Variants in CATSPERE observed in about 807,000 individuals in gnomAD.
The protein encoded by CATSPERE is catsper channel auxiliary subunit epsilon, also known as cation channel sperm-associated auxiliary subunit epsilon.
A neutral mutation model predicts 114.1 loss-of-function variants in CATSPERE; 93 were observed. The ratio of observed to expected loss-of-function variants is 0.81; its 90% CI spans 0.69 to 0.97. The LOEUF is 0.97. Ranked by LOEUF, CATSPERE falls within the 50% of genes least tolerant of loss-of-function variation. CATSPERE has a pLI of 0.00. For missense variants in CATSPERE, 1,058 were observed against 1,131.6 expected, an observed-to-expected ratio of 0.93 and a Z score of 0.93; for synonymous variants, 341 against 384.1, an observed-to-expected ratio of 0.89 and a Z score of 1.31.
intron 17 of CATSPERE, among the ~76,000 whole-genome samples, chr1:244,600,660 C>T (rs370206393): frequency 7.9e-5 from 12 of 152,286 alleles, no homozygotes; most frequent in South Asian, 6.2e-4. Flanking sequence ...TCCAGAGATA[C>T]AGGATCCTCA....
At chr1:244,487,803 C>G (rs898985150) in intron 5 of CATSPERE, among the ~76,000 whole-genome samples, 16 of 152,150 alleles carry the variant, frequency 1.1e-4, no homozygotes, top group Non-Finnish European at 1.8e-4. Context: ...GGAGGCGGGA[C>G]TGTACGGGAG....
intron 11 of CATSPERE, among the ~76,000 whole-genome samples, chr1:244,574,509 C>T (rs145655235): frequency 6.6e-5 from 10 of 152,280 alleles, no homozygotes; most frequent in African/African-American, 2.2e-4. Flanking sequence ...ACAATTCCTT[C>T]CTCTTGATTT....
chr1:244,522,914 G>A (rs1250461636), intron 8 of CATSPERE, among the ~76,000 whole-genome samples: 1 of 152,126 alleles, frequency 6.6e-6, no homozygotes, highest in African/African-American at 2.4e-5. Flanking sequence ...GTACAAGGAG[G>A]AACTGGTACC....
chr1:244,619,640 G>A (rs956389866), intron 20 of CATSPERE, among the ~76,000 whole-genome samples: 7 of 152,148 alleles, frequency 4.6e-5, no homozygotes, highest in Non-Finnish European at 7.3e-5. Flanking sequence ...AGGGGGCTTC[G>A]GAAAACCACT....
chr1:244,451,628 G>A (rs568529477), upstream of CATSPERE: 25 of 1,605,636 alleles, frequency 1.6e-5, no homozygotes, highest in South Asian at 2.1e-4. The surrounding 1 kb of genome is among the most constrained non-coding windows in gnomAD (Gnocchi z 6.6). Flanking sequence ...AGGCCCCGTC[G>A]CCTCACCTGG....
intron 17 of CATSPERE, among the ~76,000 whole-genome samples, chr1:244,596,660 CG>C (rs962462315): frequency 5.5e-4 from 84 of 151,824 alleles, no homozygotes; most frequent in African/African-American, 2.0e-3. Flanking sequence ...CTCACGCATG[CG>C]GGGCTTAAAA....
rs765165415 is a variant in CATSPERE, at chr1:244,633,498, T to G, written c.2649-1991T>G. Among the ~76,000 whole-genome samples, 5 of 152,116 alleles carry G rather than the reference T, an allele frequency of 3.3e-5. No individual in the cohort carries two copies. Among genetic ancestry groups the G allele is most frequent in the Non-Finnish European group, 7.4e-5 (5 of 68,020 alleles). On this transcript the variant is annotated intron_variant, in intron 20 of 21. Transcript: ENST00000366534. This position sits in a 1 kb window ranked among gnomAD's most constrained non-coding sequence, Gnocchi z 4.1. ...TACATCTAATCTATTCCAAATCACTTTACAAACTGCTATTGAATTAAATTC... is the reference window on the plus strand; with the variant it reads ...TACATCTAATCTATTCCAAATCACTGTACAAACTGCTATTGAATTAAATTC...
At position 244,621,113 on chromosome 1, in the gene CATSPERE, T is replaced by TAAA. The variant is rs1672146517; in HGVS notation, c.2648+3428_2648+3429insAAA. 1.2e-4 allele frequency among the ~76,000 whole-genome samples: 8 copies of TAAA among 68,270 alleles called. 3 individuals carry two copies. The South Asian group carries it at 1.7e-3, about 14-fold the overall frequency. 44.8% of individuals were successfully genotyped at this position (68,270 alleles called of 152,430 possible). ...TATATAAAATATATATAAATATATA[T>TAAA]ATAATATATATATAAATATATATAA... On this transcript the variant is annotated intron_variant, in intron 20 of 21. Coordinates refer to ENST00000366534, the MANE Select transcript of CATSPERE (RefSeq NM_001130957.2).
At chr1:244,613,848 G>A (rs1338777266) in intron 19 of CATSPERE, among the ~76,000 whole-genome samples, 1 of 152,174 alleles carries the variant, frequency 6.6e-6, no homozygotes, top group Non-Finnish European at 1.5e-5. Flanking sequence ...GCATTTAAGA[G>A]GTGATTGGAT....
Position 244,588,840 on chromosome 1 carries a change from C to T in CATSPERE, c.2138+306C>T, listed in dbSNP as rs190912168. Among the ~76,000 whole-genome samples, 17 of 152,310 alleles carry T rather than the reference C, an allele frequency of 1.1e-4. No individual in the cohort carries two copies. The East Asian group carries it at 1.9e-3, about 17-fold the overall frequency. On this transcript the variant is annotated intron_variant, in intron 14 of 21. Coordinates refer to ENST00000366534, the MANE Select transcript of CATSPERE (RefSeq NM_001130957.2). ...TTGCCTCTCTCAACTCTTCAGTCTACGGCTCATTCCCAGAAAAATAGGAGG... is the reference window on the plus strand; with the variant it reads ...TTGCCTCTCTCAACTCTTCAGTCTATGGCTCATTCCCAGAAAAATAGGAGG...
Position 244,572,319 on chromosome 1 carries a change from C to CT in CATSPERE, c.1508-5dup. The CT allele has an allele frequency of 3.0e-6, 4 of 1,326,892 alleles. No individual in the cohort carries two copies. The highest frequency in any genetic ancestry group is 4.2e-6 in the Non-Finnish European group (4 of 962,082). 82.2% of individuals were successfully genotyped at this position (1,326,892 alleles called of 1,614,324 possible). On this transcript the variant is annotated splice_polypyrimidine_tract_variant and intron_variant, in intron 10 of 21. Transcript: ENST00000366534. The stretch of plus-strand genomic sequence containing the variant: ...TACTTAGACTAACACAAACTTTTCT[C>CT]TTTTTTCCAGATTATTATGGAGATA...
chr1:244,535,996 G>A (rs947060039), intron 8 of CATSPERE, among the ~76,000 whole-genome samples: 1 of 151,938 alleles, frequency 6.6e-6, no homozygotes, highest in African/African-American at 2.4e-5. Flanking sequence ...CCAGGACTGG[G>A]TCCTTCTCTT....
chr1:244,578,879 AT>A (rs1009243826), intron 11 of CATSPERE, among the ~76,000 whole-genome samples: 24 of 145,320 alleles, frequency 1.7e-4, no homozygotes, highest in Admixed American at 7.6e-4. Context: ...TCATTTCAAC[AT>A]TTTTTTTCAT....
At position 244,583,464 on chromosome 1, in the gene CATSPERE, A is replaced by G. The variant is rs373469614; in HGVS notation, c.2010-400A>G. Among the ~76,000 whole-genome samples, 7 of 152,246 alleles carry G rather than the reference A, an allele frequency of 4.6e-5. No homozygotes were observed. The East Asian group carries it at 7.7e-4, about 17-fold the overall frequency. ...CCAAAGGTGCTATCAATACGAGGGG[A>G]AAACGGGTAGGAGCCAGAGGAGGAA... On this transcript the variant is annotated intron_variant, in intron 12 of 21. Coordinates refer to ENST00000366534, the MANE Select transcript of CATSPERE (RefSeq NM_001130957.2).
rs529393944 is a variant in CATSPERE at position 244,496,747 on chromosome 1, T to C, written c.352-2255T>C. 7.1e-4 allele frequency among the ~76,000 whole-genome samples: 108 copies of C among 152,282 alleles called. 1 individual carries two copies. The highest frequency in any genetic ancestry group is 2.4e-3 in the African/African-American group (100 of 41,558). On this transcript the variant is annotated intron_variant, in intron 6 of 21. Coordinates refer to ENST00000366534, the MANE Select transcript of CATSPERE (RefSeq NM_001130957.2). ...AGACAAGATGTTTCCAGAATTGCTA[T>C]GGATTAAACAAAAACAGTGTTCAGA... is the stretch of plus-strand genomic sequence containing the variant.
intron 13 of CATSPERE, among the ~76,000 whole-genome samples, chr1:244,586,059 G>A (rs1264783540): frequency 2.6e-5 from 4 of 152,220 alleles, no homozygotes; most frequent in Non-Finnish European, 5.9e-5. Flanking sequence ...GGTTAAGGCA[G>A]GAGCTGTCCG....
chr1:244,590,437 G>T (rs1431734908), intron 14 of CATSPERE, among the ~76,000 whole-genome samples: 1 of 152,122 alleles, frequency 6.6e-6, no homozygotes, highest in Non-Finnish European at 1.5e-5. Context: ...AAAGTGTGAT[G>T]AAATTCACAT....
chr1:244,547,277 T>C (rs529792846), intron 8 of CATSPERE, among the ~76,000 whole-genome samples: 1 of 151,960 alleles, frequency 6.6e-6, no homozygotes, highest in African/African-American at 2.4e-5. Context: ...GCAAACAAAA[T>C]CTGAGGGAGT....
intron 11 of CATSPERE, among the ~76,000 whole-genome samples, chr1:244,581,269 T>C (rs1454574683): frequency 6.6e-6 from 1 of 152,206 alleles, no homozygotes; most frequent in African/African-American, 2.4e-5. Flanking sequence ...CACTGATATA[T>C]TGTGTCACTC....
Sources: allele counts gnomAD v4.1 joint callset (sites outside exome capture counted in the v4.1 genomes callset), GRCh38; gene constraint gnomAD v4.1.1; non-coding constraint Gnocchi (gnomAD v3.1); transcripts MANE v1.5; gene names NCBI Gene and HGNC (gene_info 2026-07-23, HGNC 2026-07-21).